AKAP10: variants seen among roughly 807,000 people sequenced by gnomAD.
The protein encoded by AKAP10 is A-kinase anchor protein 10, mitochondrial.
AKAP10 carries 24 observed loss-of-function variants against 80.8 expected under a neutral mutation model. The ratio of observed to expected loss-of-function variants is 0.30; its 90% CI spans 0.22 to 0.42. The LOEUF (loss-of-function observed/expected upper bound fraction) is 0.42. Ranked by LOEUF, AKAP10 falls within the 10% of genes least tolerant of loss-of-function variation. AKAP10 has a pLI of 1.00. For missense variants in AKAP10, 661 were observed against 794.9 expected (o/e 0.83, Z 2.03); for synonymous variants, 291 against 277.7 (o/e 1.05, Z -0.48).
At chr17:19,937,141 G>C (rs1263495923) in intron 8 of AKAP10, among the ~76,000 whole-genome samples, 1 of 152,018 alleles carries the variant, frequency 6.6e-6, no homozygotes, top group Non-Finnish European at 1.5e-5. Flanking sequence ...CACTCTAATG[G>C]TTTCTATGTC....
chr17:19,958,075 T>C lies in AKAP10; in HGVS notation c.816A>G (p.Thr272=), dbSNP rs757022341. 1.2e-6 allele frequency: 2 copies of C among 1,614,216 alleles called. No individual in the cohort carries two copies. Among genetic ancestry groups the C allele is most frequent in the African/African-American group, 2.7e-5 (2 of 75,056 alleles). The change falls in exon 4 of 15, where the codon ACA becomes ACG. Residue 272 remains threonine, a synonymous_variant. Transcript: ENST00000225737. Reference sequence around the variant, plus strand: ...AAGCGGGACTATTTCTACTGGCTACTGTAAGTGTAGAGGAAGATTCTTGGG... The same window carrying C: ...AAGCGGGACTATTTCTACTGGCTACCGTAAGTGTAGAGGAAGATTCTTGGG... ...METQESSSTL[T]VASRNSPASP...
intron 5 of AKAP10, among the ~76,000 whole-genome samples, chr17:19,946,241 ATATAT>A (rs1567765570): frequency 9.3e-5 from 1 of 10,742 alleles, no homozygotes; most frequent in East Asian, 1.8e-3. Context: ...TATATATTAT[ATATAT>A]ATATATATAT....
Position 19,940,771 on chromosome 17 carries a change from C to T in AKAP10, c.1185+116G>A, listed in dbSNP as rs1463869511. 8 of 1,204,134 alleles carry T rather than the reference C, an allele frequency of 6.6e-6. No individual in the cohort carries two copies. The South Asian group carries it at 1.6e-4, about 23-fold the overall frequency. The allele number at this position is 1,204,134 out of a possible 1,614,324, so 74.6% of individuals were successfully genotyped here. A position where few individuals can be genotyped will look rare whatever the true frequency, so the allele number is the denominator to read the frequency against. On this transcript the variant is annotated intron_variant, in intron 7 of 14. Transcript: ENST00000225737. The stretch of plus-strand genomic sequence containing the variant: ...TCAGAAACAACTTGAAACAATGATA[C>T]ATCTTTTTGGAAATGACTTGGCTCT...
chr17:19,915,362 A>T (rs1010460507), intron 12 of AKAP10, among the ~76,000 whole-genome samples: 5 of 152,258 alleles, frequency 3.3e-5, no homozygotes, highest in Admixed American at 3.3e-4. Context: ...TGATATGCTT[A>T]ACAAGTCAGG....
chr17:19,936,141 C>CA, intron 9 of AKAP10, 145 bp downstream of exon 9: 1 of 879,776 alleles, frequency 1.1e-6, no homozygotes, highest in Non-Finnish European at 1.7e-6. Context: ...CATACCAGGC[C>CA]AGACTCAAGG....
At position 19,965,806 on chromosome 17, in the gene AKAP10, C is replaced by T. The variant is rs116412614; in HGVS notation, c.136+2608G>A. 4.8e-3 allele frequency among the ~76,000 whole-genome samples: 723 copies of T among 151,710 alleles called. 4 individuals carry two copies. Among genetic ancestry groups the T allele is most frequent in the African/African-American group, 0.017 (691 of 41,374 alleles). On this transcript the variant is annotated intron_variant, in intron 2 of 14. Transcript: ENST00000225737. ...GTTAAAACTAGATAATGATAGCTAC[C>T]AATGGAGGACCTACTATATACCAGG...
intron 5 of AKAP10, among the ~76,000 whole-genome samples, chr17:19,943,525 G>C (rs996845336): frequency 4.6e-5 from 7 of 152,204 alleles, no homozygotes; most frequent in African/African-American, 1.7e-4. Flanking sequence ...GCATGACCTG[G>C]AGAGTGCATG....
At chr17:19,943,705 T>G (rs2152414867) in intron 5 of AKAP10, among the ~76,000 whole-genome samples, 1 of 152,338 alleles carries the variant, frequency 6.6e-6, no homozygotes, top group Middle Eastern at 3.4e-3. Flanking sequence ...GAGGGGACTG[T>G]GGGAACTCCA....
intron 5 of AKAP10, among the ~76,000 whole-genome samples, chr17:19,945,537 T>A (rs911248393): frequency 6.6e-6 from 1 of 152,208 alleles, no homozygotes; most frequent in Middle Eastern, 3.4e-3. Flanking sequence ...ACCCCTTAAA[T>A]ACAAGCAGAT....
chr17:19,951,197 CCGCCCGGCCAGCCGCCCCG>C (rs1450654172), intron 4 of AKAP10, among the ~76,000 whole-genome samples: 2 of 103,022 alleles, frequency 1.9e-5, no homozygotes, highest in Non-Finnish European at 4.8e-5. Context: ...GGGTCAGCCC[CCGCCCGGCCAGCCGCCCCG>C]TCCGGGAGGG....
Position 19,939,748 on chromosome 17 carries a change from C to T in AKAP10, c.1287G>A (p.Gln429=), listed in dbSNP as rs765046608. ...LAAKKGQYDG[Q]EAQNDAMILY... ...AAATCATGGCATCATTCTGTGCCTC[C>T]TGTCCATCATATTGGCCCTTTTTGG... The change falls in exon 8 of 15, where the codon CAG becomes CAA. Residue 429 remains glutamine, a synonymous_variant. Coordinates refer to ENST00000225737, the MANE Select transcript of AKAP10 (RefSeq NM_007202.4). 3 of 1,613,984 alleles carry T rather than the reference C, an allele frequency of 1.9e-6. No individual in the cohort carries two copies. The South Asian group carries it at 3.3e-5, about 18-fold the overall frequency.
intron 11 of AKAP10, among the ~76,000 whole-genome samples, chr17:19,921,309 G>C (rs1021215280): frequency 6.6e-6 from 1 of 151,584 alleles, no homozygotes; most frequent in Non-Finnish European, 1.5e-5. Context: ...CTGGGACTAC[G>C]GGTGCGCCAC....
chr17:19,966,728 A>AAGCAC (rs2043424739), intron 2 of AKAP10, among the ~76,000 whole-genome samples: 1 of 119,690 alleles, frequency 8.4e-6, no homozygotes, highest in Non-Finnish European at 1.9e-5. Context: ...GAAGAATCTG[A>AAGCAC]AGAAAGTTAC....
At chr17:19,921,966 C>T (rs905351002) in intron 11 of AKAP10, among the ~76,000 whole-genome samples, 3 of 152,062 alleles carry the variant, frequency 2.0e-5, no homozygotes, top group South Asian at 2.1e-4. Flanking sequence ...GAAAGTACAA[C>T]GTACAGAATG....
chr17:19,947,130 G>A (rs1010754031), intron 5 of AKAP10: 22 of 401,178 alleles, frequency 5.5e-5, no homozygotes, highest in Non-Finnish European at 7.8e-5. Context: ...GCCGGTTAGC[G>A]TAGCCGCCCG....
intron 1 of AKAP10, among the ~76,000 whole-genome samples, chr17:19,974,891 T>G (rs1229919420): frequency 1.3e-5 from 2 of 152,230 alleles, no homozygotes; most frequent in East Asian, 3.9e-4. Context: ...CAGGTTGATC[T>G]CGAACTGGCC....
intron 7 of AKAP10, 24 bp from the exon 8 acceptor site, chr17:19,939,873 GA>G (rs1416003544): frequency 8.1e-6 from 13 of 1,604,530 alleles, no homozygotes; most frequent in African/African-American, 1.3e-5. Flanking sequence ...ATACACAAGG[GA>G]AAATAAGACT....
At chr17:19,971,066 G>C (rs2043491059) in intron 1 of AKAP10, among the ~76,000 whole-genome samples, 1 of 151,604 alleles carries the variant, frequency 6.6e-6, no homozygotes, top group Non-Finnish European at 1.5e-5. Flanking sequence ...GCCCAGGCTA[G>C]TCTTGTACAC....
At chr17:19,953,998 C>T (rs1407435262) in intron 4 of AKAP10, among the ~76,000 whole-genome samples, 1 of 151,916 alleles carries the variant, frequency 6.6e-6, no homozygotes, top group African/African-American at 2.4e-5. Context: ...CACCACTGCA[C>T]TCCAACCTGG....
Sources: allele counts gnomAD v4.1 joint callset (sites outside exome capture counted in the v4.1 genomes callset), GRCh38; gene constraint gnomAD v4.1.1; transcripts MANE v1.5; gene names NCBI Gene and HGNC (gene_info 2026-07-23, HGNC 2026-07-21).